The following SNX24 variants were observed in gnomAD, a reference collection of about 807,000 sequenced individuals.
The protein encoded by SNX24 is sorting nexin-24.
Under a neutral mutation model 28.7 loss-of-function variants are expected in SNX24, and 22 were observed. The observed-to-expected ratio is 0.77, with a 90% CI of 0.55 to 1.10. SNX24 has a LOEUF of 1.10. SNX24 is among the 50% of genes least tolerant of loss of function. SNX24 has a pLI of 0.00. For synonymous variants in SNX24, 69 were observed against 71.5 expected (o/e 0.96, Z 0.18); for missense variants, 221 against 201.1 (o/e 1.10, Z -0.60).
chr5:122,909,842 G>A (rs957295403), intron 1 of SNX24, among the ~76,000 whole-genome samples: 1 of 152,168 alleles, frequency 6.6e-6, no homozygotes, highest in Non-Finnish European at 1.5e-5. Context: ...ACTTACCAAA[G>A]GAATGCGCCA....
chr5:123,028,704 T>G lies in SNX24; in HGVS notation n.384-534T>G, dbSNP rs1376855081. The stretch of plus-strand genomic sequence containing the variant: ...TCCTTAGCTCTGGATTTCAACAGAC[T>G]GGGTTCATATACTGGCTTAACCTTA... On this transcript the variant is annotated intron_variant and non_coding_transcript_variant, in intron 5 of 5. Coordinates refer to the SNX24 transcript ENST00000502387. The G allele has an allele frequency of 4.9e-6, 6 of 1,231,818 alleles. No individual in the cohort carries two copies. In the East Asian group the frequency reaches 7.2e-5, roughly 15 times the overall value. The allele number at this position is 1,231,818 out of a possible 1,614,324, so 76.3% of individuals were successfully genotyped here. A position where few individuals can be genotyped will look rare whatever the true frequency, so the allele number is the denominator to read the frequency against.
chr5:122,866,391 T>G (rs1755724211), intron 1 of SNX24, among the ~76,000 whole-genome samples: 1 of 152,214 alleles, frequency 6.6e-6, no homozygotes, highest in African/African-American at 2.4e-5. Flanking sequence ...TCAAGTGATC[T>G]GCTCACCTCA....
At chr5:122,948,478 A>G (rs1455206316) in intron 3 of SNX24, 1 of 152,142 alleles carries the variant, frequency 6.6e-6, no homozygotes, top group African/African-American at 2.4e-5. Context: ...ATAGCATCTT[A>G]AGTTCACAAG....
chr5:123,010,086 A>G (rs1561734168), downstream of SNX24, among the ~76,000 whole-genome samples: 1 of 152,292 alleles, frequency 6.6e-6, no homozygotes, highest in Non-Finnish European at 1.5e-5. Context: ...ACAATTGCCT[A>G]TCAACATCCG....
At chr5:123,004,603 C>A (rs1762357643) in intron 6 of SNX24, among the ~76,000 whole-genome samples, 1 of 152,222 alleles carries the variant, frequency 6.6e-6, no homozygotes, top group African/African-American at 2.4e-5. Context: ...TCCATCTCAA[C>A]TCTGTCCTGG....
At chr5:122,901,980 C>T (rs1757467396) in intron 1 of SNX24, among the ~76,000 whole-genome samples, 1 of 152,200 alleles carries the variant, frequency 6.6e-6, no homozygotes, top group Non-Finnish European at 1.5e-5. Context: ...TCTTATATAT[C>T]TTTGAGTCTA....
chr5:123,012,749 T>C (rs924285516), downstream of SNX24, among the ~76,000 whole-genome samples: 2 of 152,198 alleles, frequency 1.3e-5, no homozygotes, highest in Admixed American at 1.3e-4. Flanking sequence ...GCACTGTCTG[T>C]CGTGGGTGCA....
chr5:122,866,287 T>A (rs757917762), intron 1 of SNX24, among the ~76,000 whole-genome samples: 7 of 152,168 alleles, frequency 4.6e-5, no homozygotes, highest in Non-Finnish European at 1.0e-4. Context: ...GTAGCTGTTA[T>A]TACAGGTGAG....
chr5:122,930,308 A>T (rs1274954550), intron 1 of SNX24, among the ~76,000 whole-genome samples: 1 of 152,120 alleles, frequency 6.6e-6, no homozygotes, highest in African/African-American at 2.4e-5. Context: ...TGTTTGGGTT[A>T]TTTGTTTTTT....
chr5:122,886,970 TA>T (rs1212419817), intron 1 of SNX24, among the ~76,000 whole-genome samples: 1 of 152,210 alleles, frequency 6.6e-6, no homozygotes, highest in Non-Finnish European at 1.5e-5. Context: ...TTTTTTAATT[TA>T]AAAAAAGTTA....
chr5:122,877,816 A>G (rs1286285073), intron 1 of SNX24, among the ~76,000 whole-genome samples: 1 of 150,736 alleles, frequency 6.6e-6, no homozygotes, highest in Admixed American at 6.7e-5. Context: ...TCCTTTCTCC[A>G]TTGGTGGAGT....
At chr5:122,922,033 C>T (rs891780836) in intron 1 of SNX24, among the ~76,000 whole-genome samples, 7 of 152,222 alleles carry the variant, frequency 4.6e-5, no homozygotes, top group African/African-American at 1.7e-4. Flanking sequence ...AATGCTGATT[C>T]TACATTAAGA....
At chr5:122,874,651 G>A (rs868763647) in intron 1 of SNX24, among the ~76,000 whole-genome samples, 11 of 152,196 alleles carry the variant, frequency 7.2e-5, no homozygotes, top group South Asian at 2.1e-4. Context: ...AGAAGCTAGG[G>A]TTATGTTTAT....
At chr5:122,976,304 A>C (rs938867745) in intron 3 of SNX24, among the ~76,000 whole-genome samples, 6 of 151,798 alleles carry the variant, frequency 4.0e-5, no homozygotes, top group African/African-American at 1.5e-4. Context: ...AAAAAAAAAA[A>C]AAAAAACAGG....
At chr5:122,885,394 C>T (rs1756660455) in intron 1 of SNX24, among the ~76,000 whole-genome samples, 1 of 152,178 alleles carries the variant, frequency 6.6e-6, no homozygotes. Context: ...GTTCCACGGT[C>T]TTCCATCTCT....
chr5:122,991,319 T>C (rs1761840115), intron 3 of SNX24, among the ~76,000 whole-genome samples: 1 of 152,240 alleles, frequency 6.6e-6, no homozygotes, highest in African/African-American at 2.4e-5. Context: ...ACAGGTAATT[T>C]AAGTGGATCA....
intron 1 of SNX24, among the ~76,000 whole-genome samples, chr5:122,884,729 G>A (rs1756633888): frequency 6.6e-6 from 1 of 152,122 alleles, no homozygotes; most frequent in Non-Finnish European, 1.5e-5. Context: ...GCAGATGTGT[G>A]GGGTGAAATA....
intron 1 of SNX24, among the ~76,000 whole-genome samples, chr5:122,862,222 A>G (rs536040892): frequency 2.6e-5 from 4 of 152,314 alleles, no homozygotes; most frequent in African/African-American, 9.6e-5. Flanking sequence ...GAAGATCCCC[A>G]GCTAAAAGTA....
intron 1 of SNX24, among the ~76,000 whole-genome samples, chr5:122,867,658 G>A (rs1163966173): frequency 6.6e-6 from 1 of 152,150 alleles, no homozygotes; most frequent in African/African-American, 2.4e-5. Context: ...TGGTGACTGG[G>A]GAAAGAGGCT....
Sources: gnomAD v4.1 joint callset for allele counts (sites outside exome capture counted in the v4.1 genomes callset) on GRCh38, gnomAD v4.1.1 for gene constraint, MANE v1.5 for transcripts, NCBI Gene and HGNC (gene_info 2026-07-23, HGNC 2026-07-21) for gene names.